SLC25A36: variants seen among roughly 807,000 people sequenced by gnomAD.
The protein encoded by SLC25A36 is epididymis secretory sperm binding protein.
Under a neutral mutation model 35.3 loss-of-function variants are expected in SLC25A36, and 24 were observed. The observed-to-expected ratio is 0.68, with a 90% CI of 0.49 to 0.96. The LOEUF is 0.96. SLC25A36 is among the 40% of genes least tolerant of loss of function. The probability of loss-of-function intolerance (pLI) is 0.00; values close to 1 mark genes in which losing one functional copy is unlikely to be tolerated. For synonymous variants in SLC25A36, 141 were observed against 132.2 expected, an observed-to-expected ratio of 1.07 and a Z score of -0.46; for missense variants, 294 against 381.1, an observed-to-expected ratio of 0.77 and a Z score of 1.90.
At chr3:140,945,986 C>T (rs1934153715) in intron 1 of SLC25A36, among the ~76,000 whole-genome samples, 1 of 151,956 alleles carries the variant, frequency 6.6e-6, no homozygotes, top group Admixed American at 6.6e-5. Flanking sequence ...TAAAATAGAC[C>T]AGTGGATTTT....
chr3:140,963,298 T>G (rs1934678373), intron 4 of SLC25A36, 71 bp downstream of exon 4: 11 of 986,996 alleles, frequency 1.1e-5, no homozygotes, highest in African/African-American at 3.5e-5. Context: ...AATTATAAGT[T>G]TGTAGTGAAA....
intron 4 of SLC25A36, 80 bp downstream of exon 4, chr3:140,963,307 A>G (rs532926954): frequency 1.1e-6 from 1 of 874,654 alleles, no homozygotes; most frequent in African/African-American, 1.8e-5. Flanking sequence ...TTTGTAGTGA[A>G]AAGTTGATGA....
At chr3:140,968,065 G>C in intron 4 of SLC25A36, 1 of 985,106 alleles carries the variant, frequency 1.0e-6, no homozygotes, top group South Asian at 4.7e-5. Flanking sequence ...GATATGTTTA[G>C]CTTGGGCTAA....
intron 3 of SLC25A36, among the ~76,000 whole-genome samples, chr3:140,962,353 G>A (rs1934651689): frequency 6.6e-6 from 1 of 152,132 alleles, no homozygotes; most frequent in Admixed American, 6.5e-5. Flanking sequence ...CATACAGCAA[G>A]CAAATAATTC....
chr3:140,970,970 G>A lies in SLC25A36; in HGVS notation c.429G>A (p.Lys143=), dbSNP rs759611550. The change falls in exon 5 of 7, where the codon AAG becomes AAA. Residue 143 remains lysine (K), a synonymous_variant. Transcript: ENST00000324194. ...CAACCAACCCCATTTGGCTTATAAA[G>A]ACTCGGTTACAGCTTGATGCAAGGT... The part of the protein sequence containing the change: ...ITATNPIWLI[K]TRLQLDARNR... The A allele has an allele frequency of 6.6e-7, 1 of 1,512,426 alleles. No individual in the cohort carries two copies. The allele number at this position is 1,512,426 out of a possible 1,614,324, so 93.7% of individuals were successfully genotyped here.
chr3:140,979,534 G>A lies in SLC25A36; in HGVS notation c.*3081G>A, dbSNP rs1049408556. On this transcript the variant is annotated 3_prime_UTR_variant, in exon 7 of 7. Coordinates refer to ENST00000324194, the MANE Select transcript of SLC25A36 (RefSeq NM_001104647.3). ...GACTTTAACATTCCTAAGAATATAG[G>A]TATTTCTGAATGATTTAAATTTGAG... 1 of 152,020 alleles carries A rather than the reference G, an allele frequency of 6.6e-6. No homozygotes were observed. Among genetic ancestry groups the A allele is most frequent in the Non-Finnish European group, 1.5e-5 (1 of 67,970 alleles). The allele number at this position is 152,020 out of a possible 1,614,324, so 9.4% of individuals were successfully genotyped here.
chr3:140,950,896 GTCTC>G (rs58451065), intron 1 of SLC25A36, among the ~76,000 whole-genome samples: 11,116 of 145,312 alleles, frequency 0.076, 520 homozygotes, highest in East Asian at 0.16. Flanking sequence ...GTGTGTGTGT[GTCTC>G]TGTGTGTGTC....
chr3:140,970,975 G>A lies in SLC25A36; in HGVS notation c.434G>A (p.Arg145Gln), dbSNP rs772118849. ...ATNPIWLIKT[R>Q]LQLDARNRGE... is the part of the protein sequence containing the mutation. ...AACCCCATTTGGCTTATAAAGACTC[G>A]GTTACAGCTTGATGCAAGGTATGTT... The change falls in exon 5 of 7, where the codon CGG becomes CAG. Residue 145 changes from arginine to glutamine, a missense_variant. Physicochemically the swap from Arg to Gln is conservative, Grantham distance 43. This residue lies in a region of SLC25A36 where 185 missense variants were observed against 201.5 expected (regional missense o/e 0.92). Coordinates refer to ENST00000324194, the MANE Select transcript of SLC25A36 (RefSeq NM_001104647.3). The A allele has an allele frequency of 4.7e-6, 7 of 1,482,044 alleles. No homozygotes were observed. Among genetic ancestry groups the A allele is most frequent in the Admixed American group, 1.7e-5 (1 of 59,564 alleles). The allele number at this position is 1,482,044 out of a possible 1,614,324, so 91.8% of individuals were successfully genotyped here.
chr3:140,978,265 T>G lies in SLC25A36; in HGVS notation c.*1812T>G, dbSNP rs2107823843. 1 of 152,310 alleles carries G rather than the reference T, an allele frequency of 6.6e-6. No homozygotes were observed. Among genetic ancestry groups the G allele is most frequent in the African/African-American group, 2.4e-5 (1 of 41,582 alleles). The allele number at this position is 152,310 out of a possible 1,614,324, so 9.4% of individuals were successfully genotyped here. On this transcript the variant is annotated 3_prime_UTR_variant, in exon 7 of 7. Transcript: ENST00000324194. ...AAAATCAGTTTTCTTACCTTTGGAA[T>G]TATTCGTACCTTTTATGGTAAATTT... is the stretch of plus-strand genomic sequence containing the variant.
chr3:140,962,632 C>A (rs1310352459), intron 3 of SLC25A36, among the ~76,000 whole-genome samples: 1 of 151,322 alleles, frequency 6.6e-6, no homozygotes, highest in Non-Finnish European at 1.5e-5. Flanking sequence ...GCTTCACCCT[C>A]TTCTCCCCAT....
At chr3:140,970,500 A>C (rs1934873328) in intron 4 of SLC25A36, 1 of 152,618 alleles carries the variant, frequency 6.6e-6, no homozygotes, top group Admixed American at 6.5e-5. Context: ...TTCATTTTGA[A>C]TGTAGTGATT....
At chr3:140,950,240 T>A (rs1371369933) in intron 1 of SLC25A36, among the ~76,000 whole-genome samples, 1 of 152,060 alleles carries the variant, frequency 6.6e-6, no homozygotes, top group East Asian at 1.9e-4. Context: ...ATAACTTCAT[T>A]CCTCCCCGCC....
At position 140,977,486 on chromosome 3, in the gene SLC25A36, G is replaced by T. The variant is rs1935078345; in HGVS notation, c.*1033G>T. On this transcript the variant is annotated 3_prime_UTR_variant, in exon 7 of 7. Coordinates refer to ENST00000324194, the MANE Select transcript of SLC25A36 (RefSeq NM_001104647.3). ...TATTATAGACAAGGGCCCCCTTGCT[G>T]TCTGCTTTAGCAGGTAGTGACATTA... The T allele has an allele frequency of 6.6e-6, 1 of 152,150 alleles. No homozygotes were observed. The highest frequency in any genetic ancestry group is 2.4e-5 in the African/African-American group (1 of 41,438). The allele number at this position is 152,150 out of a possible 1,614,324, so 9.4% of individuals were successfully genotyped here. A position where few individuals can be genotyped will look rare whatever the true frequency, so the allele number is the denominator to read the frequency against.
chr3:140,968,698 T>C, intron 4 of SLC25A36: 3 of 984,106 alleles, frequency 3.0e-6, no homozygotes, highest in Non-Finnish European at 3.6e-6. Context: ...AATTCTTTTG[T>C]GACTTGGAAG....
intron 2 of SLC25A36, among the ~76,000 whole-genome samples, chr3:140,958,021 C>T (rs1934521038): frequency 6.6e-6 from 1 of 152,082 alleles, no homozygotes; most frequent in Admixed American, 6.5e-5. Context: ...TCACAGTAAC[C>T]AGTAAAGGGG....
intron 1 of SLC25A36, among the ~76,000 whole-genome samples, chr3:140,943,988 A>G (rs1934096716): frequency 6.6e-6 from 1 of 152,182 alleles, no homozygotes; most frequent in Non-Finnish European, 1.5e-5. Flanking sequence ...TAGTTAGAGT[A>G]TTAAATGAGA....
rs576652633 is a variant in SLC25A36, at chr3:140,968,389, G to C, written c.386-2538G>C. ...AGCTCTCATTGGGAGAGTTGAGCCA[G>C]AGCAACCATAGTAAACATAGCTTAC... On this transcript the variant is annotated intron_variant, in intron 4 of 6. Transcript: ENST00000324194. The C allele has an allele frequency of 1.8e-5, 17 of 933,102 alleles. No individual in the cohort carries two copies. The South Asian group carries it at 7.4e-4, about 41-fold the overall frequency. 57.8% of individuals were successfully genotyped at this position (933,102 alleles called of 1,614,324 possible).
At chr3:140,969,858 A>C (rs1201220719) in intron 4 of SLC25A36, among the ~76,000 whole-genome samples, 1 of 151,940 alleles carries the variant, frequency 6.6e-6, no homozygotes, top group African/African-American at 2.4e-5. Flanking sequence ...TATAAAAAGA[A>C]TGTGCCTGAC....
intron 3 of SLC25A36, among the ~76,000 whole-genome samples, chr3:140,960,956 A>G (rs979041725): frequency 6.6e-6 from 1 of 152,234 alleles, no homozygotes; most frequent in African/African-American, 2.4e-5. Flanking sequence ...AGCCAAAAGG[A>G]CATGAAAACA....
Sources: gnomAD v4.1 joint callset for allele counts (sites outside exome capture counted in the v4.1 genomes callset) on GRCh38, gnomAD v4.1.1 for gene constraint, gnomAD v4.1.1 regional missense constraint, MANE v1.5 for transcripts, NCBI Gene and HGNC (gene_info 2026-07-23, HGNC 2026-07-21) for gene names.